NXPE2: variants seen among roughly 807,000 people sequenced by gnomAD.
NXPE2 encodes the protein neurexophilin and PC-esterase domain family member 2, also known as NXPE family member 2.
A neutral mutation model predicts 34.4 loss-of-function variants in NXPE2; 34 were observed. The ratio of observed to expected loss-of-function variants is 0.99; its 90% confidence interval spans 0.75 to 1.31. The LOEUF is 1.31. Among genes scored for constraint, NXPE2 ranks in the 40% most tolerant of loss-of-function variants. The pLI is 0.00. For missense variants in NXPE2, 649 were observed against 672.5 expected, an observed-to-expected ratio of 0.97 and a Z score of 0.39; for synonymous variants, 235 against 231.3, an observed-to-expected ratio of 1.02 and a Z score of -0.15.
chr11:114,645,613 A>G, the NXPE2 span, among the ~76,000 whole-genome samples: 1 of 152,200 alleles, frequency 6.6e-6, no homozygotes, highest in Non-Finnish European at 1.5e-5. Context: ...GCTATGTCCA[A>G]TTAATAAAAT....
At chr11:114,658,055 T>C in the NXPE2 span, among the ~76,000 whole-genome samples, 480 of 152,316 alleles carry the variant, frequency 3.2e-3, 1 homozygote, top group African/African-American at 0.011. Flanking sequence ...TTTTGTTCCC[T>C]TTAAAATAAA....
chr11:114,666,807 TACA>T, the NXPE2 span, among the ~76,000 whole-genome samples: 5 of 152,280 alleles, frequency 3.3e-5, no homozygotes, highest in East Asian at 9.6e-4. Context: ...TCCTTGTATT[TACA>T]ACATTTGAAC....
At chr11:114,625,196 C>T in the NXPE2 span, among the ~76,000 whole-genome samples, 27,268 of 152,084 alleles carry the variant, frequency 0.18, 2,795 homozygotes, top group Non-Finnish European at 0.22. Context: ...TACGTGTGGC[C>T]TTGTGGGTAA....
chr11:114,602,033 CTATA>C, the NXPE2 span, among the ~76,000 whole-genome samples: 1 of 83,796 alleles, frequency 1.2e-5, no homozygotes, highest in Admixed American at 2.2e-4. Context: ...ATATGTTATA[CTATA>C]TAATATATAT....
chr11:114,576,982 TATATATATAC>T, the NXPE2 span, among the ~76,000 whole-genome samples: 1 of 124,688 alleles, frequency 8.0e-6, no homozygotes, highest in African/African-American at 3.4e-5. Context: ...TGTTTATATA[TATATATATAC>T]ATATATATAT....
the NXPE2 span, among the ~76,000 whole-genome samples, chr11:114,781,599 CA>C: frequency 6.6e-6 from 1 of 151,960 alleles, no homozygotes; most frequent in African/African-American, 2.4e-5. Context: ...AAAATATGAC[CA>C]GGGGCAAGGG....
the NXPE2 span, among the ~76,000 whole-genome samples, chr11:114,629,479 G>A: frequency 6.6e-6 from 1 of 151,234 alleles, no homozygotes; most frequent in East Asian, 1.9e-4. Context: ...AACCCTTCAT[G>A]CTAAAAACTC....
the NXPE2 span, among the ~76,000 whole-genome samples, chr11:114,542,715 C>T: frequency 5.9e-5 from 9 of 151,914 alleles, no homozygotes; most frequent in African/African-American, 2.2e-4. Context: ...CAATATTGCT[C>T]ATTAGAGGGA....
At chr11:114,497,273 A>G in the NXPE2 span, among the ~76,000 whole-genome samples, 694 of 152,340 alleles carry the variant, frequency 4.6e-3, 7 homozygotes, top group African/African-American at 0.015. Context: ...TAAAATTAGA[A>G]GAAAGCTTAT....
At chr11:114,675,347 T>TA (rs1369571530), upstream of NXPE2, among the ~76,000 whole-genome samples, 1 of 151,574 alleles carries the variant, frequency 6.6e-6, no homozygotes, top group Non-Finnish European at 1.5e-5. Context: ...GGCATCCAAA[T>TA]AAAAAATGAA....
chr11:114,711,395 C>T (rs963377707), downstream of NXPE2, among the ~76,000 whole-genome samples: 9 of 152,022 alleles, frequency 5.9e-5, no homozygotes, highest in African/African-American at 1.7e-4. Context: ...TGCACAGAAA[C>T]TATTAGAACT....
the NXPE2 span, among the ~76,000 whole-genome samples, chr11:114,585,347 T>TA: frequency 7.4e-4 from 112 of 152,142 alleles, no homozygotes; most frequent in African/African-American, 2.6e-3. Flanking sequence ...GAGTAGATTT[T>TA]AAAAAAACAA....
the NXPE2 span, among the ~76,000 whole-genome samples, chr11:114,498,656 T>G: frequency 1.3e-5 from 2 of 152,246 alleles, no homozygotes; most frequent in South Asian, 2.1e-4. Flanking sequence ...TTTTCTTCTA[T>G]TTTCAGGCAG....
At chr11:114,567,078 G>A in the NXPE2 span, among the ~76,000 whole-genome samples, 380 of 152,286 alleles carry the variant, frequency 2.5e-3, 1 homozygote, top group African/African-American at 8.8e-3. Flanking sequence ...CGTGCAGTAG[G>A]CTAGTGTTTT....
the NXPE2 span, among the ~76,000 whole-genome samples, chr11:114,717,187 G>T: frequency 6.6e-6 from 1 of 152,118 alleles, no homozygotes; most frequent in Non-Finnish European, 1.5e-5. Context: ...CCACCATGAA[G>T]ACCAGCTAAG....
the NXPE2 span, among the ~76,000 whole-genome samples, chr11:114,602,535 A>G: frequency 2.2e-5 from 3 of 138,834 alleles, no homozygotes; most frequent in Non-Finnish European, 4.5e-5. Context: ...TATGATAATT[A>G]TCTCATATAC....
chr11:114,652,491 A>T, the NXPE2 span, among the ~76,000 whole-genome samples: 2 of 152,220 alleles, frequency 1.3e-5, no homozygotes, highest in African/African-American at 4.8e-5. Flanking sequence ...ATTCTCTACT[A>T]TATAATGAGG....
In NXPE2 at chr11:114,699,157, G is replaced by A. The variant is rs140230725; in HGVS notation, c.866+379G>A. Among the ~76,000 whole-genome samples, 8 of 152,206 alleles carry A rather than the reference G, an allele frequency of 5.3e-5. No homozygotes were observed. In the East Asian group the frequency reaches 1.5e-3, roughly 29 times the overall value. Reference sequence around the variant, plus strand: ...TGGTGAATGATATCATTGTTCAGTCGAGCTTTACCCCTTACATCCAGTGAA... The same window carrying A: ...TGGTGAATGATATCATTGTTCAGTCAAGCTTTACCCCTTACATCCAGTGAA... On this transcript the variant is annotated intron_variant, in intron 3 of 5. Coordinates refer to ENST00000389586, the MANE Select transcript of NXPE2 (RefSeq NM_182495.6).
At chr11:114,570,844 T>G in the NXPE2 span, 1 of 804,702 alleles carries the variant, frequency 1.2e-6, no homozygotes. Flanking sequence ...TCTTGCTAGT[T>G]GGGAATTCAG....
Sources: gnomAD v4.1 joint callset for allele counts (sites outside exome capture counted in the v4.1 genomes callset) on GRCh38, gnomAD v4.1.1 for gene constraint, MANE v1.5 for transcripts, NCBI Gene and HGNC (gene_info 2026-07-23, HGNC 2026-07-21) for gene names.